The following RBM47 variants were observed in gnomAD, a reference collection of about 807,000 sequenced individuals.
The protein encoded by RBM47 is RNA binding motif protein 47.
A neutral mutation model predicts 47.1 loss-of-function variants in RBM47; 21 were observed. The observed-to-expected ratio is 0.45, with a 90% CI of 0.32 to 0.64. The LOEUF (loss-of-function observed/expected upper bound fraction) is 0.64, where lower values mean the gene tolerates loss of function less well. Among genes scored for constraint, RBM47 ranks in the 30% least tolerant of loss-of-function variants. RBM47 has a pLI of 0.05. For synonymous variants in RBM47, 375 were observed against 361.7 expected, an observed-to-expected ratio of 1.04 and a Z score of -0.42; for missense variants, 708 against 870.9, an observed-to-expected ratio of 0.81 and a Z score of 2.35.
rs56005602 is a variant in RBM47, at chr4:40,539,739, C to CA, written c.-155+4682dup. Reference sequence around the variant, plus strand: ...TGGGCGACAGAGCAAGACTCTGTCTCAAAAAAAAAAAAAAAAAAAAAAAAA... The same window carrying CA: ...TGGGCGACAGAGCAAGACTCTGTCTCAAAAAAAAAAAAAAAAAAAAAAAAAA... On this transcript the variant is annotated intron_variant, in intron 2 of 6. Transcript: ENST00000295971. 9.2e-4 allele frequency among the ~76,000 whole-genome samples: 52 copies of CA among 56,334 alleles called. 5 individuals are homozygous for CA. Among genetic ancestry groups the CA allele is most frequent in the African/African-American group, 1.4e-3 (20 of 14,478 alleles). The allele number at this position is 56,334 out of a possible 152,430, so 37.0% of individuals were successfully genotyped here.
chr4:40,519,067 G>A (rs905826381), intron 2 of RBM47, among the ~76,000 whole-genome samples: 2 of 151,944 alleles, frequency 1.3e-5, no homozygotes, highest in Non-Finnish European at 1.5e-5. Flanking sequence ...CAGGCATGGT[G>A]GCATGCGCCT....
At chr4:40,615,283 A>C (rs890262230) in intron 1 of RBM47, among the ~76,000 whole-genome samples, 7 of 152,060 alleles carry the variant, frequency 4.6e-5, no homozygotes, top group African/African-American at 1.7e-4. Flanking sequence ...TACAAAATAT[A>C]CAAAAAAAAA....
chr4:40,558,743 G>A (rs1023850792), intron 1 of RBM47, among the ~76,000 whole-genome samples: 5 of 151,584 alleles, frequency 3.3e-5, no homozygotes, highest in African/African-American at 1.2e-4. Flanking sequence ...CAGGAGAATT[G>A]CTTGAACTCG....
intron 2 of RBM47, among the ~76,000 whole-genome samples, chr4:40,526,152 G>A (rs1049262950): frequency 5.9e-5 from 9 of 152,166 alleles, no homozygotes; most frequent in Non-Finnish European, 1.2e-4. Flanking sequence ...GCCAGAAACC[G>A]TGACTCATCA....
At chr4:40,571,591 C>T (rs1731715407) in intron 1 of RBM47, among the ~76,000 whole-genome samples, 1 of 151,968 alleles carries the variant, frequency 6.6e-6, no homozygotes, top group Non-Finnish European at 1.5e-5. Flanking sequence ...AAAAGATTGA[C>T]AATTCAACTA....
intron 2 of RBM47, among the ~76,000 whole-genome samples, chr4:40,534,936 GA>G (rs368062797): frequency 0.01 from 981 of 96,880 alleles, 6 homozygotes; most frequent in Middle Eastern, 0.03. Context: ...CTCCGTCTCA[GA>G]AAAAAAAAAA....
At chr4:40,596,452 G>GCTA (rs2154276345) in intron 1 of RBM47, among the ~76,000 whole-genome samples, 1 of 152,266 alleles carries the variant, frequency 6.6e-6, no homozygotes, top group East Asian at 1.9e-4. Flanking sequence ...GTGTGCCTAT[G>GCTA]CTACACAAGA....
At chr4:40,431,071 A>AAAAAATC (rs1329519882) in intron 6 of RBM47, among the ~76,000 whole-genome samples, 1 of 151,518 alleles carries the variant, frequency 6.6e-6, no homozygotes, top group Non-Finnish European at 1.5e-5. Flanking sequence ...GACTGTCTCA[A>AAAAAATC]AAAAATCAAA....
intron 2 of RBM47, among the ~76,000 whole-genome samples, chr4:40,491,166 C>T (rs73809046): frequency 6.6e-6 from 1 of 152,100 alleles, no homozygotes; most frequent in Non-Finnish European, 1.5e-5. Flanking sequence ...AGGGAAAAAA[C>T]CCAAAACATG....
intron 1 of RBM47, among the ~76,000 whole-genome samples, chr4:40,616,508 G>A (rs567029787): frequency 2.0e-5 from 3 of 151,948 alleles, no homozygotes; most frequent in Non-Finnish European, 4.4e-5. Context: ...AAAACAAACG[G>A]ATAAAGCTTC....
At chr4:40,601,059 T>C (rs1188355745) in intron 1 of RBM47, among the ~76,000 whole-genome samples, 3 of 149,124 alleles carry the variant, frequency 2.0e-5, no homozygotes, top group South Asian at 2.1e-4. Flanking sequence ...CAGCCTCAAG[T>C]GCCTCACGGA....
chr4:40,627,233 G>T (rs1737826988), intron 1 of RBM47, among the ~76,000 whole-genome samples: 1 of 152,170 alleles, frequency 6.6e-6, no homozygotes, highest in Admixed American at 6.5e-5. Flanking sequence ...TGTCTTCATT[G>T]TAACTTCATC....
At chr4:40,437,085 A>AT (rs1712599294) in intron 4 of RBM47, among the ~76,000 whole-genome samples, 1 of 57,114 alleles carries the variant, frequency 1.8e-5, no homozygotes, top group South Asian at 5.5e-4. Flanking sequence ...AAAAAAAAAA[A>AT]AAAAAATATA....
chr4:40,583,054 C>T lies in RBM47; in HGVS notation c.-239-38548G>A, dbSNP rs140840645. ...TGGAATGTGCGAAGTACAGAAGAGACAGGGAAAAGGAGCTTCAAGGTTATG... is the reference window on the plus strand; with the variant it reads ...TGGAATGTGCGAAGTACAGAAGAGATAGGGAAAAGGAGCTTCAAGGTTATG... On this transcript the variant is annotated intron_variant, in intron 1 of 6. Coordinates refer to ENST00000295971, the MANE Select transcript of RBM47 (RefSeq NM_001098634.2). Among the ~76,000 whole-genome samples the T allele has an allele frequency of 3.9e-5, 6 of 152,210 alleles. No individual in the cohort carries two copies. In the East Asian group the frequency reaches 1.2e-3, roughly 29 times the overall value.
chr4:40,626,381 T>C (rs1284797238), intron 1 of RBM47, among the ~76,000 whole-genome samples: 1 of 152,210 alleles, frequency 6.6e-6, no homozygotes, highest in East Asian at 1.9e-4. Context: ...TTCAAACTAG[T>C]GTCTATTGCA....
intron 1 of RBM47, among the ~76,000 whole-genome samples, chr4:40,587,066 G>C (rs1733660043): frequency 6.6e-6 from 1 of 152,150 alleles, no homozygotes; most frequent in South Asian, 2.1e-4. Flanking sequence ...TCAAATGTGT[G>C]ATACAGGCAA....
At chr4:40,468,321 T>G (rs1422165706) in intron 2 of RBM47, among the ~76,000 whole-genome samples, 2 of 151,804 alleles carry the variant, frequency 1.3e-5, no homozygotes, top group South Asian at 4.2e-4. Context: ...AATAAAGGAG[T>G]TGGATTACCA....
intron 3 of RBM47, among the ~76,000 whole-genome samples, chr4:40,446,734 G>C (rs928621813): frequency 4.7e-5 from 3 of 64,074 alleles, no homozygotes; most frequent in African/African-American, 1.8e-4. Flanking sequence ...GCAAGACCCA[G>C]TCTCAAAAAA....
chr4:40,480,851 G>C (rs1720286024), intron 2 of RBM47, among the ~76,000 whole-genome samples: 1 of 152,122 alleles, frequency 6.6e-6, no homozygotes, highest in African/African-American at 2.4e-5. Context: ...ATCTTAAAAA[G>C]AGAAAGTTCA....
Sources: gnomAD v4.1 joint callset for allele counts (sites outside exome capture counted in the v4.1 genomes callset) on GRCh38, gnomAD v4.1.1 for gene constraint, MANE v1.5 for transcripts, NCBI Gene and HGNC (gene_info 2026-07-23, HGNC 2026-07-21) for gene names.